Variants in CCDC181 observed in about 807,000 individuals in gnomAD.
CCDC181 encodes the protein coiled-coil domain-containing protein 181.
Under a neutral mutation model 58.7 loss-of-function variants are expected in CCDC181, and 35 were observed. The ratio of observed to expected loss-of-function variants is 0.60; its 90% confidence interval spans 0.46 to 0.79. The LOEUF is 0.79. CCDC181 is among the 30% of genes least tolerant of loss of function. The pLI is 0.00. For synonymous variants in CCDC181, 183 were observed against 197.5 expected (o/e 0.93, Z 0.62); for missense variants, 517 against 583.9 (o/e 0.89, Z 1.18).
intron 2 of CCDC181, among the ~76,000 whole-genome samples, chr1:169,447,809 T>C (rs905489484): frequency 2.0e-5 from 3 of 152,212 alleles, no homozygotes; most frequent in Admixed American, 6.5e-5. Context: ...GAAATCAATA[T>C]AGCTACTTCA....
At chr1:169,413,386 G>A (rs1482921928) in intron 4 of CCDC181, among the ~76,000 whole-genome samples, 1 of 152,212 alleles carries the variant, frequency 6.6e-6, no homozygotes, top group African/African-American at 2.4e-5. Flanking sequence ...TGGAGAGGAT[G>A]TGGAGAAATA....
At chr1:169,415,627 T>G (rs910615172) in intron 4 of CCDC181, among the ~76,000 whole-genome samples, 1 of 152,166 alleles carries the variant, frequency 6.6e-6, no homozygotes, top group Admixed American at 6.6e-5. Flanking sequence ...TGAATTGTAT[T>G]TCTGTTTTCC....
chr1:169,421,372 C>A lies in CCDC181; in HGVS notation c.1059G>T (p.Leu353=), dbSNP rs1295448521. Reference sequence around the variant, plus strand: ...CCACTTAGGTTCTCACCTCTCTTTTCAGTTTTTCTCTCTTTTCTTCTAGTT... The same window carrying A: ...CCACTTAGGTTCTCACCTCTCTTTTAAGTTTTTCTCTCTTTTCTTCTAGTT... The part of the protein sequence containing the change: ...QKQLEEKREK[L]KREEERRKIE... The change falls in exon 3 of 6, where the codon CTG becomes CTT. Residue 353 remains leucine, a synonymous_variant. Coordinates refer to ENST00000367806, the MANE Select transcript of CCDC181 (RefSeq NM_001300969.2). The A allele has an allele frequency of 1.2e-6, 2 of 1,604,030 alleles. No homozygotes were observed. The highest frequency in any genetic ancestry group is 3.4e-5 in the Admixed American group (2 of 59,330).
chr1:169,455,785 C>T (rs1657662816), intron 2 of CCDC181, among the ~76,000 whole-genome samples: 1 of 152,086 alleles, frequency 6.6e-6, no homozygotes. Flanking sequence ...CATATCATTT[C>T]TTTTTTTAAA....
chr1:169,437,249 C>T (rs1571508516), intron 2 of CCDC181, among the ~76,000 whole-genome samples: 1 of 152,150 alleles, frequency 6.6e-6, no homozygotes, highest in Non-Finnish European at 1.5e-5. Flanking sequence ...CCATCAAGTG[C>T]AGGGTCTGCA....
At chr1:169,419,849 C>G (rs1402133741) in intron 3 of CCDC181, among the ~76,000 whole-genome samples, 4 of 152,102 alleles carry the variant, frequency 2.6e-5, no homozygotes, top group Non-Finnish European at 5.9e-5. Context: ...TGAAATGATG[C>G]ACTTAGGTTA....
rs369811308 is a variant in CCDC181 at position 169,406,798 on chromosome 1, G to GA, written c.1216-9408dup. Among the ~76,000 whole-genome samples, 267 of 147,728 alleles carry GA rather than the reference G, an allele frequency of 1.8e-3. 1 individual carries two copies. Among genetic ancestry groups the GA allele is most frequent in the Non-Finnish European group, 2.9e-3 (196 of 66,768 alleles). On this transcript the variant is annotated intron_variant, in intron 4 of 5. Transcript: ENST00000367806. ...ACTTAAAGCATAATAAAAAAGAAAAGAAAAAAAACCCACCACAAAAAAAAT... is the reference window on the plus strand; with the variant it reads ...ACTTAAAGCATAATAAAAAAGAAAAGAAAAAAAAACCCACCACAAAAAAAAT...
chr1:169,438,537 G>A (rs995227704), intron 2 of CCDC181, among the ~76,000 whole-genome samples: 5 of 152,156 alleles, frequency 3.3e-5, no homozygotes, highest in Admixed American at 1.3e-4. Context: ...ATGGGGAACC[G>A]AATTAACATT....
At chr1:169,409,874 C>T (rs1655867789) in intron 4 of CCDC181, among the ~76,000 whole-genome samples, 1 of 152,160 alleles carries the variant, frequency 6.6e-6, no homozygotes, top group Admixed American at 6.5e-5. Flanking sequence ...CTTACAAGAG[C>T]TCCTGAAGGA....
chr1:169,408,334 C>A (rs566578639), intron 4 of CCDC181, among the ~76,000 whole-genome samples: 3 of 152,238 alleles, frequency 2.0e-5, no homozygotes, highest in African/African-American at 7.2e-5. Context: ...CAAAGCCAGA[C>A]TGCCTCTCTA....
At chr1:169,440,467 C>A (rs1188006338) in intron 2 of CCDC181, among the ~76,000 whole-genome samples, 2 of 152,216 alleles carry the variant, frequency 1.3e-5, no homozygotes, top group African/African-American at 4.8e-5. Context: ...TATTATCACT[C>A]AAATCAGCCT....
chr1:169,420,283 T>A (rs576547002), intron 3 of CCDC181, among the ~76,000 whole-genome samples: 1 of 152,342 alleles, frequency 6.6e-6, no homozygotes, highest in South Asian at 2.1e-4. Flanking sequence ...GTAAACTTAG[T>A]TTGACTATTA....
At chr1:169,420,382 C>T (rs552674120) in intron 3 of CCDC181, among the ~76,000 whole-genome samples, 4 of 146,856 alleles carry the variant, frequency 2.7e-5, no homozygotes, top group East Asian at 4.2e-4. Flanking sequence ...CACGTTCTTA[C>T]GAAGTCATGT....
chr1:169,425,861 T>C (rs1293080570), intron 1 of CCDC181, among the ~76,000 whole-genome samples: 1 of 152,168 alleles, frequency 6.6e-6, no homozygotes, highest in African/African-American at 2.4e-5. Flanking sequence ...TATTTTATGA[T>C]AAACATAGTT....
intron 2 of CCDC181, among the ~76,000 whole-genome samples, chr1:169,441,223 GAACT>G (rs1415460653): frequency 2.0e-5 from 3 of 152,152 alleles, no homozygotes; most frequent in African/African-American, 7.2e-5. Context: ...CTGAACTCAT[GAACT>G]AATAATTTGT....
At chr1:169,399,574 T>C (rs1203865987) in intron 4 of CCDC181, among the ~76,000 whole-genome samples, 5 of 151,824 alleles carry the variant, frequency 3.3e-5, no homozygotes, top group Admixed American at 6.6e-5. Context: ...AATAAAAAAT[T>C]AGAGGAAAAT....
At position 169,395,169 on chromosome 1, in the gene CCDC181, G is replaced by C; in HGVS notation, c.1408C>G (p.Gln470Glu). The change falls in exon 6 of 6, where the codon CAA becomes GAA. Residue 470 changes from glutamine (Q) to glutamate (E), a missense_variant. By Grantham distance (29) the Gln-to-Glu change is conservative. Transcript: ENST00000367806. ...CTAGTTCTCTCTCTGACAGCTTGTT[G>C]CTCTGCCATTTTTTCCATCCGTTTC... Reference protein sequence around the residue: ...RRKRMEKMAEQQAVRERTRQL... With the variant: ...RRKRMEKMAEEQAVRERTRQL... 6.2e-7 allele frequency: 1 copy of C among 1,612,088 alleles called. No individual in the cohort carries two copies. The highest frequency in any genetic ancestry group is 8.5e-7 in the Non-Finnish European group (1 of 1,179,400).
intron 2 of CCDC181, among the ~76,000 whole-genome samples, chr1:169,446,174 G>A (rs938488119): frequency 3.1e-4 from 47 of 151,970 alleles, no homozygotes; most frequent in African/African-American, 8.0e-4. Context: ...GGCCGGGTGC[G>A]GTGGCTCACA....
chr1:169,447,020 A>G (rs12023117), intron 2 of CCDC181, among the ~76,000 whole-genome samples: 21,772 of 152,134 alleles, frequency 0.14, 1,706 homozygotes, highest in African/African-American at 0.2. Context: ...ATATTTGGAG[A>G]CTTTCGAGCA....
Sources: gnomAD v4.1 joint callset for allele counts (sites outside exome capture counted in the v4.1 genomes callset) on GRCh38, gnomAD v4.1.1 for gene constraint, MANE v1.5 for transcripts, NCBI Gene and HGNC (gene_info 2026-07-23, HGNC 2026-07-21) for gene names.